UBAP2L: variants seen among roughly 807,000 people sequenced by gnomAD.
The protein encoded by UBAP2L is ubiquitin associated protein 2 like, also known as ubiquitin-associated protein 2-like.
Under a neutral mutation model 130.6 loss-of-function variants are expected in UBAP2L, and 12 were observed. The ratio of observed to expected loss-of-function variants is 0.09; its 90% CI spans 0.06 to 0.15. UBAP2L has a LOEUF of 0.15. UBAP2L is among the 10% of genes least tolerant of loss of function. UBAP2L has a pLI of 1.00. For missense variants in UBAP2L, 965 were observed against 1,332.5 expected, an observed-to-expected ratio of 0.72 and a Z score of 4.29; for synonymous variants, 503 against 524.7, an observed-to-expected ratio of 0.96 and a Z score of 0.57.
At chr1:154,238,171 G>A (rs974526104) in intron 8 of UBAP2L, among the ~76,000 whole-genome samples, 1 of 152,096 alleles carries the variant, frequency 6.6e-6, no homozygotes, top group South Asian at 2.1e-4. Flanking sequence ...TCTGAATGTC[G>A]TCTGCTTTTT....
intron 23 of UBAP2L, 121 bp from the exon 24 acceptor site, chr1:154,261,471 C>A: frequency 1.1e-6 from 1 of 930,768 alleles, no homozygotes; most frequent in Non-Finnish European, 1.7e-6. Flanking sequence ...ACTAAGCAAA[C>A]TGTAGTCAAC....
intron 24 of UBAP2L, among the ~76,000 whole-genome samples, chr1:154,261,908 G>A (rs1046620630): frequency 8.5e-5 from 13 of 152,188 alleles, no homozygotes; most frequent in Non-Finnish European, 1.5e-4. Flanking sequence ...TATTTGTGAC[G>A]GGAATGCCCA....
rs397713791 is a variant in UBAP2L, at chr1:154,254,830, T to TC, written c.1855-6_1855-5insC. 3.1e-6 allele frequency: 5 copies of TC among 1,602,306 alleles called. No individual in the cohort carries two copies. The highest frequency in any genetic ancestry group is 3.4e-6 in the Non-Finnish European group (4 of 1,177,772). On this transcript the variant is annotated splice_polypyrimidine_tract_variant and splice_region_variant and intron_variant, in intron 15 of 26. Coordinates refer to ENST00000428931, the MANE Select transcript of UBAP2L (RefSeq NM_014847.4). ...CTTGCTCTTCTGTTTTTTTTTTTTT[T>TC]ACCAGAATGGCTTCAGTTCTGTGCA...
chr1:154,227,223 C>T, intron 2 of UBAP2L, 59 bp from the exon 3 acceptor site: 11 of 1,462,630 alleles, frequency 7.5e-6, no homozygotes, highest in Non-Finnish European at 9.6e-6. Context: ...GAAATAGGTT[C>T]CTGTTCTCTA....
intron 4 of UBAP2L, among the ~76,000 whole-genome samples, chr1:154,229,319 G>T (rs1183941994): frequency 6.6e-6 from 1 of 151,908 alleles, no homozygotes; most frequent in Non-Finnish European, 1.5e-5. Flanking sequence ...TAGACAAGTC[G>T]CTTTCACTTC....
At chr1:154,241,479 G>A (rs948116483) in intron 8 of UBAP2L, 34 bp from the exon 9 acceptor site, 2 of 1,605,958 alleles carry the variant, frequency 1.2e-6, no homozygotes, top group Non-Finnish European at 1.7e-6. Flanking sequence ...GCATTTAATA[G>A]TGAAGTTACT....
At chr1:154,262,330 G>A (rs1681830875) in intron 24 of UBAP2L, among the ~76,000 whole-genome samples, 1 of 152,158 alleles carries the variant, frequency 6.6e-6, no homozygotes. Context: ...GGGAATTGTA[G>A]GAATCCTCTG....
chr1:154,237,994 T>C (rs1672236116), intron 8 of UBAP2L, among the ~76,000 whole-genome samples: 1 of 152,148 alleles, frequency 6.6e-6, no homozygotes, highest in Non-Finnish European at 1.5e-5. Context: ...GCCTAAGGCT[T>C]TTTTTCCTCT....
At chr1:154,229,105 T>TTTTTC (rs1553259777) in intron 4 of UBAP2L, among the ~76,000 whole-genome samples, 2 of 151,842 alleles carry the variant, frequency 1.3e-5, no homozygotes, top group African/African-American at 4.9e-5. Flanking sequence ...TTTTTTTTTC[T>TTTTTC]TTTTATTTTA....
intron 14 of UBAP2L, 50 bp downstream of exon 14, chr1:154,251,703 T>C: frequency 3.1e-6 from 5 of 1,598,384 alleles, no homozygotes; most frequent in Non-Finnish European, 4.3e-6. Context: ...TTTACTACTT[T>C]TTTAATCTGT....
chr1:154,269,059 A>C, intron 26 of UBAP2L, 105 bp downstream of exon 26: 2 of 1,335,288 alleles, frequency 1.5e-6, no homozygotes, highest in Non-Finnish European at 2.1e-6. Flanking sequence ...ACCTTCACCC[A>C]ATCCCTCCCC....
At chr1:154,263,091 G>T (rs1202110853) in intron 24 of UBAP2L, 2 of 1,550,946 alleles carry the variant, frequency 1.3e-6, no homozygotes, top group Non-Finnish European at 8.7e-7. Flanking sequence ...TTATGTATTT[G>T]ATTCCTTTTA....
intron 10 of UBAP2L, 67 bp from the exon 11 acceptor site, chr1:154,246,137 T>G: frequency 6.6e-7 from 1 of 1,523,832 alleles, no homozygotes; most frequent in Non-Finnish European, 8.9e-7. Flanking sequence ...TCTAATCTGA[T>G]TTGAGTGTTG....
At chr1:154,263,401 A>G (rs752354371) in intron 24 of UBAP2L, 127 of 1,272,812 alleles carry the variant, frequency 1.0e-4, no homozygotes, top group Non-Finnish European at 8.2e-5. Flanking sequence ...CGAAGCATCA[A>G]TGCACACACC....
intron 10 of UBAP2L, among the ~76,000 whole-genome samples, chr1:154,244,930 CT>C (rs1674878322): frequency 6.6e-6 from 1 of 151,846 alleles, no homozygotes; most frequent in South Asian, 2.1e-4. Flanking sequence ...TTCCAACACT[CT>C]TACCTGGTCT....
At position 154,251,178 on chromosome 1, in the gene UBAP2L, C is replaced by G. The variant is rs1267741245; in HGVS notation, c.1351C>G (p.Pro451Ala). The G allele has an allele frequency of 6.2e-7, 1 of 1,614,188 alleles. No homozygotes were observed. Among genetic ancestry groups the G allele is most frequent in the African/African-American group, 1.3e-5 (1 of 75,062 alleles). ...AVATSTAAPPPPSSPLPSKST... is the reference protein window; with the variant it reads ...AVATSTAAPPAPSSPLPSKST... Reference sequence around the variant, plus strand: ...GGCTACCTCCACAGCTGCACCTCCACCTCCGTCTTCTCCTCTGCCAAGCAA... The same window carrying G: ...GGCTACCTCCACAGCTGCACCTCCAGCTCCGTCTTCTCCTCTGCCAAGCAA... The change falls in exon 13 of 27, where the codon CCT becomes GCT. Residue 451 changes from proline (P) to alanine (A), a missense_variant. Physicochemically the swap from Pro to Ala is conservative, Grantham distance 27 (BLOSUM62 -1). Around this residue, in one of 9 missense-constraint regions of UBAP2L, gnomAD observed 74 missense variants for 97.1 expected, o/e 0.76. Transcript: ENST00000428931.
At position 154,263,564 on chromosome 1, in the gene UBAP2L, A is replaced by T. The variant is rs1262046115; in HGVS notation, c.2902+1867A>T. The stretch of plus-strand genomic sequence containing the variant: ...ACTAGGAACCAATGCTGTGCTGTGG[A>T]TGAAGGGTGGAGGGTGGCCTTTTTA... On this transcript the variant is annotated intron_variant, in intron 24 of 26. Coordinates refer to ENST00000428931, the MANE Select transcript of UBAP2L (RefSeq NM_014847.4). 7 of 976,076 alleles carry T rather than the reference A, an allele frequency of 7.2e-6. No homozygotes were observed. The East Asian group carries it at 6.5e-4, about 90-fold the overall frequency. The allele number at this position is 976,076 out of a possible 1,614,324, so 60.5% of individuals were successfully genotyped here.
chr1:154,220,706 C>A (rs1316201685), upstream of UBAP2L: 2 of 437,592 alleles, frequency 4.6e-6, no homozygotes, highest in Admixed American at 3.7e-5. Flanking sequence ...GCCATCCGTG[C>A]GTCACGTGGT....
In UBAP2L at chr1:154,257,176, T is replaced by C. The variant is rs1202736934; in HGVS notation, c.2271T>C (p.Asn757=). 1 of 1,614,070 alleles carries C rather than the reference T, an allele frequency of 6.2e-7. No homozygotes were observed. The highest frequency in any genetic ancestry group is 1.7e-5 in the Admixed American group (1 of 59,998). The change falls in exon 19 of 27, where the codon AAT becomes AAC. Residue 757 remains asparagine, a synonymous_variant. Transcript: ENST00000428931. ...TGGTCAGTGTCTCCTCCAGTCTCAA[T>C]AGTGGCAGTAGCCTGGGCCTCAGCC... ...PPVVSVSSSL[N]SGSSLGLSLG...
Sources: gnomAD v4.1 joint callset for allele counts (sites outside exome capture counted in the v4.1 genomes callset) on GRCh38, gnomAD v4.1.1 for gene constraint, gnomAD v4.1.1 regional missense constraint, MANE v1.5 for transcripts, NCBI Gene and HGNC (gene_info 2026-07-23, HGNC 2026-07-21) for gene names.